DHRSX: variants seen among roughly 807,000 people sequenced by gnomAD.
The protein encoded by DHRSX is polyprenol dehydrogenase.
In DHRSX, 31 loss-of-function variants were observed where a neutral mutation model predicts 34.0. The ratio of observed to expected loss-of-function variants is 0.91; its 90% CI spans 0.69 to 1.23. The LOEUF is 1.23. Ranked by LOEUF, DHRSX falls within the 50% of genes most tolerant of loss-of-function variation. The pLI, the probability that DHRSX is intolerant of heterozygous loss-of-function variation, is 0.00. For missense variants in DHRSX, 414 were observed against 428.1 expected (o/e 0.97, Z 0.29); for synonymous variants, 201 against 183.8 (o/e 1.09, Z -0.76).
rs1482243135 is a variant in DHRSX, at chrX:2,266,865, C to T, written c.471G>A (p.Leu157=). The T allele has an allele frequency of 1.9e-6, 3 of 1,613,942 alleles. No individual in the cohort carries two copies. The highest frequency in any genetic ancestry group is 8.5e-7 in the Non-Finnish European group (1 of 1,179,860). The change falls in exon 5 of 7, where the codon CTG becomes CTA. Residue 157 remains leucine (L), a synonymous_variant. Coordinates refer to ENST00000334651, the MANE Select transcript of DHRSX (RefSeq NM_145177.3). Reference sequence around the variant, plus strand: ...GCGTATCCAAGAGAAGGTTGGTCAGCAGGAAGTGCCCTAGGTAGTTCAGGC... The same window carrying T: ...GCGTATCCAAGAGAAGGTTGGTCAGTAGGAAGTGCCCTAGGTAGTTCAGGC... ...HFGLNYLGHF[L]LTNLLLDTLK...
intron 3 of DHRSX, among the ~76,000 whole-genome samples, chrX:2,348,972 G>T (rs1819140297): frequency 6.6e-6 from 1 of 152,094 alleles, no homozygotes; most frequent in South Asian, 2.1e-4. Context: ...GGGATTACAA[G>T]CATGAGCCAC....
intron 3 of DHRSX, among the ~76,000 whole-genome samples, chrX:2,357,269 T>C (rs1248446352): frequency 2.0e-5 from 3 of 151,886 alleles, no homozygotes; most frequent in Non-Finnish European, 4.4e-5. Context: ...AAGTTACACA[T>C]GGATTTTTGA....
chrX:2,369,729 C>T (rs1221870596), intron 3 of DHRSX, among the ~76,000 whole-genome samples: 1 of 152,096 alleles, frequency 6.6e-6, no homozygotes, highest in Non-Finnish European at 1.5e-5. Flanking sequence ...GTCTCGAACA[C>T]CTGACCTCAA....
At chrX:2,231,093 C>G (rs2015866445) in intron 6 of DHRSX, among the ~76,000 whole-genome samples, 1 of 152,100 alleles carries the variant, frequency 6.6e-6, no homozygotes, top group South Asian at 2.1e-4. Context: ...GCTTTTAAGG[C>G]TAAACCAAAG....
At chrX:2,346,135 C>G (rs972626401) in intron 3 of DHRSX, among the ~76,000 whole-genome samples, 20 of 152,100 alleles carry the variant, frequency 1.3e-4, no homozygotes, top group Non-Finnish European at 2.5e-4. Context: ...TCTACTCACT[C>G]TCTAAAATTT....
chrX:2,297,762 G>GTTT (rs757257087), intron 3 of DHRSX, among the ~76,000 whole-genome samples: 3,839 of 144,722 alleles, frequency 0.027, 183 homozygotes, highest in African/African-American at 0.091. Context: ...GTCTTTTTGA[G>GTTT]TTTTTTTTTT....
Position 2,259,077 on chromosome X carries a change from A to T in DHRSX, c.596+7663T>A, listed in dbSNP as rs1307829415. ...ATCACGAGGTCAGGAGATGGAGATC[A>T]TCCTGGCCAACATGGTGAACCCCCG... On this transcript the variant is annotated intron_variant, in intron 5 of 6. Coordinates refer to ENST00000334651, the MANE Select transcript of DHRSX (RefSeq NM_145177.3). Among the ~76,000 whole-genome samples the T allele has an allele frequency of 3.3e-5, 5 of 152,272 alleles. No individual in the cohort carries two copies. The East Asian group carries it at 5.8e-4, about 18-fold the overall frequency.
chrX:2,416,324 A>T (rs1330889381), intron 2 of DHRSX, among the ~76,000 whole-genome samples: 5 of 151,650 alleles, frequency 3.3e-5, no homozygotes, highest in Admixed American at 1.3e-4. Context: ...AACCCAACTA[A>T]ACTTCATTAT....
intron 3 of DHRSX, among the ~76,000 whole-genome samples, chrX:2,350,230 A>G (rs1228091871): frequency 6.6e-6 from 1 of 151,792 alleles, no homozygotes; most frequent in Non-Finnish European, 1.5e-5. Context: ...GGGTGCCTGT[A>G]GTCTCAGCTA....
At chrX:2,484,762 C>A (rs1205739297) in intron 1 of DHRSX, among the ~76,000 whole-genome samples, 1 of 152,130 alleles carries the variant, frequency 6.6e-6, no homozygotes, top group African/African-American at 2.4e-5. Flanking sequence ...AACAGTAGAA[C>A]TGCTGCCCAA....
chrX:2,490,999 G>A (rs7063731), intron 1 of DHRSX, among the ~76,000 whole-genome samples: 53 of 152,022 alleles, frequency 3.5e-4, no homozygotes, highest in Non-Finnish European at 5.6e-4. Context: ...GATGCCGCAC[G>A]TGTCAACATA....
intron 3 of DHRSX, among the ~76,000 whole-genome samples, chrX:2,386,835 GAT>G (rs2043277974): frequency 6.7e-6 from 1 of 148,854 alleles, no homozygotes; most frequent in Non-Finnish European, 1.5e-5. Context: ...TAAATGGTGG[GAT>G]ATTATTCTTT....
Position 2,270,973 on chromosome X carries a change from G to C in DHRSX, c.389-4026C>G, listed in dbSNP as rs112883481. On this transcript the variant is annotated intron_variant, in intron 4 of 6. Transcript: ENST00000334651. ...GGACCAATCAGCACTCTGTAAAATG[G>C]ACCAGTCAGCAGGATGTGGGCGGGG... 4.6e-3 allele frequency among the ~76,000 whole-genome samples: 699 copies of C among 151,400 alleles called. 3 individuals are homozygous for C. The highest frequency in any genetic ancestry group is 8.3e-3 in the Admixed American group (125 of 15,150).
chrX:2,342,296 C>CT (rs1428435959), intron 3 of DHRSX, among the ~76,000 whole-genome samples: 2 of 152,096 alleles, frequency 1.3e-5, no homozygotes, highest in East Asian at 3.8e-4. Context: ...GTTGCCAAAG[C>CT]AAGCCCTGAC....
At chrX:2,264,478 C>T (rs759224621) in intron 5 of DHRSX, among the ~76,000 whole-genome samples, 39 of 144,288 alleles carry the variant, frequency 2.7e-4, no homozygotes, top group African/African-American at 7.8e-4. Context: ...CAGAGAGCAC[C>T]GTGCCCAGAG....
intron 3 of DHRSX, among the ~76,000 whole-genome samples, chrX:2,325,681 C>G (rs1349019465): frequency 2.0e-5 from 3 of 152,082 alleles, no homozygotes; most frequent in African/African-American, 7.2e-5. Flanking sequence ...GGGTGGGCAA[C>G]CAGCCTTTCC....
chrX:2,328,576 GAC>G (rs1257873215), intron 3 of DHRSX, among the ~76,000 whole-genome samples: 5 of 151,578 alleles, frequency 3.3e-5, no homozygotes, highest in Non-Finnish European at 7.4e-5. Flanking sequence ...TGAGGACACA[GAC>G]ACACACAGAG....
intron 3 of DHRSX, among the ~76,000 whole-genome samples, chrX:2,368,632 T>C (rs963265402): frequency 6.6e-6 from 1 of 152,072 alleles, no homozygotes; most frequent in African/African-American, 2.4e-5. Context: ...GGCGGATCAC[T>C]TGAGGTCAGG....
At chrX:2,331,387 G>A (rs2042470325) in intron 3 of DHRSX, among the ~76,000 whole-genome samples, 1 of 148,360 alleles carries the variant, frequency 6.7e-6, no homozygotes, top group Non-Finnish European at 1.5e-5. Flanking sequence ...GAATCACCAA[G>A]GTTCTAAATG....
Sources: allele counts gnomAD v4.1 joint callset (sites outside exome capture counted in the v4.1 genomes callset), GRCh38; gene constraint gnomAD v4.1.1; transcripts MANE v1.5; gene names NCBI Gene and HGNC (gene_info 2026-07-23, HGNC 2026-07-21).